Variants in SSBP2 observed in about 807,000 individuals in gnomAD.
The protein encoded by SSBP2 is single-stranded DNA-binding protein 2.
A neutral mutation model predicts 61.8 loss-of-function variants in SSBP2; 17 were observed. The observed-to-expected ratio is 0.28, with a 90% CI of 0.19 to 0.41. The LOEUF (loss-of-function observed/expected upper bound fraction) is 0.41. Among genes scored for constraint, SSBP2 ranks in the 10% least tolerant of loss-of-function variants. SSBP2 has a pLI of 1.00. For synonymous variants in SSBP2, 139 were observed against 141.3 expected (o/e 0.98, Z 0.12); for missense variants, 310 against 458.7 (o/e 0.68, Z 2.96).
At chr5:81,506,074 T>C (rs897941507) in intron 5 of SSBP2, among the ~76,000 whole-genome samples, 1 of 152,134 alleles carries the variant, frequency 6.6e-6, no homozygotes, top group African/African-American at 2.4e-5. Context: ...GTTCTAATAG[T>C]TGAGGCCAGA....
intron 1 of SSBP2, among the ~76,000 whole-genome samples, chr5:81,677,997 C>G (rs1269876516): frequency 1.3e-5 from 2 of 152,122 alleles, no homozygotes; most frequent in Non-Finnish European, 2.9e-5. Context: ...CACATCATGT[C>G]TGGCTTTAAG....
chr5:81,448,343 A>T (rs1408127541), intron 11 of SSBP2, among the ~76,000 whole-genome samples: 1 of 152,216 alleles, frequency 6.6e-6, no homozygotes, highest in Admixed American at 6.5e-5. Flanking sequence ...CAACCAAAAA[A>T]TGAAATGATT....
At chr5:81,433,313 A>G (rs1263269205) in intron 15 of SSBP2, among the ~76,000 whole-genome samples, 1 of 152,058 alleles carries the variant, frequency 6.6e-6, no homozygotes, top group African/African-American at 2.4e-5. Flanking sequence ...CTTACCCCCA[A>G]CCCTGTGCTC....
At chr5:81,538,854 GT>G (rs1373827068) in intron 4 of SSBP2, among the ~76,000 whole-genome samples, 1 of 152,168 alleles carries the variant, frequency 6.6e-6, no homozygotes, top group Non-Finnish European at 1.5e-5. Flanking sequence ...GTCCTCTGCT[GT>G]TCATTGACAA....
chr5:81,657,279 C>T (rs1393106971), intron 1 of SSBP2, among the ~76,000 whole-genome samples: 1 of 151,836 alleles, frequency 6.6e-6, no homozygotes, highest in Non-Finnish European at 1.5e-5. Flanking sequence ...TATAATAATG[C>T]CTGGGGCAAA....
At chr5:81,442,876 G>A (rs1763123455) in intron 12 of SSBP2, 153 bp from the exon 13 acceptor site, 1 of 407,712 alleles carries the variant, frequency 2.5e-6, no homozygotes, top group Admixed American at 4.5e-5. Context: ...AATACCCACA[G>A]TCATTTTCTG....
intron 4 of SSBP2, among the ~76,000 whole-genome samples, chr5:81,559,406 T>A (rs1456639701): frequency 1.4e-4 from 17 of 124,410 alleles, no homozygotes; most frequent in South Asian, 2.6e-4. Context: ...AAAAAAAAAA[T>A]TAGCTGGGCA....
At chr5:81,687,252 G>A (rs976097905) in intron 1 of SSBP2, among the ~76,000 whole-genome samples, 10 of 152,220 alleles carry the variant, frequency 6.6e-5, no homozygotes, top group African/African-American at 2.4e-4. Flanking sequence ...TCACAGCAGA[G>A]AGCAACACCG....
intron 1 of SSBP2, among the ~76,000 whole-genome samples, chr5:81,745,956 A>G (rs1757325561): frequency 1.3e-5 from 2 of 152,108 alleles, no homozygotes; most frequent in Non-Finnish European, 2.9e-5. Context: ...TTAAAGATGA[A>G]AGGCATATTT....
At chr5:81,561,071 C>T (rs1173918077) in intron 4 of SSBP2, among the ~76,000 whole-genome samples, 3 of 152,098 alleles carry the variant, frequency 2.0e-5, no homozygotes, top group South Asian at 2.1e-4. Context: ...CTACAATTAA[C>T]GTTTTCAGAA....
chr5:81,429,345 G>A (rs1762147294), intron 15 of SSBP2, among the ~76,000 whole-genome samples: 1 of 152,086 alleles, frequency 6.6e-6, no homozygotes, highest in African/African-American at 2.4e-5. Context: ...ACTTTCCTTG[G>A]AAGATAAAAT....
upstream of SSBP2, chr5:81,751,118 C>G: frequency 6.8e-7 from 1 of 1,462,968 alleles, no homozygotes; most frequent in Admixed American, 2.0e-5. Flanking sequence ...GCCCCGTCCC[C>G]ATGGCGACCC....
At chr5:81,520,607 T>C (rs1156694957) in intron 4 of SSBP2, among the ~76,000 whole-genome samples, 1 of 152,178 alleles carries the variant, frequency 6.6e-6, no homozygotes, top group African/African-American at 2.4e-5. Flanking sequence ...AGATGTATTA[T>C]ACAATTTTTG....
intron 1 of SSBP2, among the ~76,000 whole-genome samples, chr5:81,700,628 C>G (rs1011017137): frequency 6.6e-6 from 1 of 152,248 alleles, no homozygotes; most frequent in African/African-American, 2.4e-5. Context: ...TTCAACTACA[C>G]TGAAAATCTC....
At chr5:81,538,498 T>C (rs1473477683) in intron 4 of SSBP2, among the ~76,000 whole-genome samples, 1 of 152,232 alleles carries the variant, frequency 6.6e-6, no homozygotes, top group Non-Finnish European at 1.5e-5. Context: ...ATGGTGGTTA[T>C]ACCAAACAAC....
chr5:81,480,669 G>C (rs552387906), intron 6 of SSBP2, among the ~76,000 whole-genome samples: 1 of 152,272 alleles, frequency 6.6e-6, no homozygotes, highest in East Asian at 1.9e-4. Flanking sequence ...GCCTCCCAAA[G>C]TGTTGGGATT....
chr5:81,608,549 A>G (rs974612041), intron 4 of SSBP2, among the ~76,000 whole-genome samples: 3 of 152,226 alleles, frequency 2.0e-5, no homozygotes, highest in Admixed American at 1.3e-4. Flanking sequence ...TGGAAAACCT[A>G]AATTTTCATG....
intron 1 of SSBP2, among the ~76,000 whole-genome samples, chr5:81,659,380 G>C (rs935964962): frequency 1.1e-4 from 17 of 152,008 alleles, no homozygotes; most frequent in African/African-American, 4.1e-4. Flanking sequence ...CAAAAGACAA[G>C]TAGAGAGCCA....
intron 1 of SSBP2, among the ~76,000 whole-genome samples, chr5:81,735,042 T>C (rs1756509808): frequency 6.6e-6 from 1 of 151,594 alleles, no homozygotes; most frequent in Non-Finnish European, 1.5e-5. Flanking sequence ...CTGCCGATTT[T>C]AAATGAATAT....
Sources: allele counts gnomAD v4.1 joint callset (sites outside exome capture counted in the v4.1 genomes callset), GRCh38; gene constraint gnomAD v4.1.1; transcripts MANE v1.5; gene names NCBI Gene and HGNC (gene_info 2026-07-23, HGNC 2026-07-21).